Variants in CNTN4 observed in about 807,000 individuals in gnomAD.
CNTN4 encodes the protein contactin-4.
Under a neutral mutation model 122.5 loss-of-function variants are expected in CNTN4, and 77 were observed. That is an observed-to-expected ratio of 0.63 (90% CI 0.52 to 0.76). The LOEUF is 0.76. Ranked by LOEUF, CNTN4 falls within the 30% of genes least tolerant of loss-of-function variation. CNTN4 has a pLI of 0.00. For synonymous variants in CNTN4, 512 were observed against 447.0 expected, an observed-to-expected ratio of 1.15 and a Z score of -1.83; for missense variants, 1,256 against 1,259.1, an observed-to-expected ratio of 1.00 and a Z score of 0.04.
intron 12 of CNTN4, among the ~76,000 whole-genome samples, chr3:2,914,864 T>C (rs60082167): frequency 0.42 from 63,677 of 151,854 alleles, 13,662 homozygotes; most frequent in East Asian, 0.64. Flanking sequence ...AACATTGATC[T>C]AGAAATTGTC....
intron 6 of CNTN4, among the ~76,000 whole-genome samples, chr3:2,759,032 C>G (rs2090467100): frequency 3.9e-5 from 6 of 152,142 alleles, no homozygotes; most frequent in Admixed American, 2.6e-4. Context: ...TCTACTGTCT[C>G]TGTGGATTTT....
intron 2 of CNTN4, among the ~76,000 whole-genome samples, chr3:2,151,689 TG>T (rs1407504417): frequency 6.6e-6 from 1 of 152,154 alleles, no homozygotes; most frequent in African/African-American, 2.4e-5. Flanking sequence ...CATGGATTAA[TG>T]GATTAATGAC....
chr3:2,616,034 T>TA (rs1553586644), intron 4 of CNTN4, among the ~76,000 whole-genome samples: 1 of 151,706 alleles, frequency 6.6e-6, no homozygotes, highest in East Asian at 1.9e-4. Context: ...TTTTTTTTTT[T>TA]AACATTAAGT....
At chr3:2,421,973 A>T (rs2047635727) in intron 3 of CNTN4, among the ~76,000 whole-genome samples, 1 of 152,030 alleles carries the variant, frequency 6.6e-6, no homozygotes, top group Admixed American at 6.5e-5. Flanking sequence ...AAAAAAAAAA[A>T]TTAGTGTACC....
chr3:2,650,029 TATATA>T (rs1441354486), intron 4 of CNTN4, among the ~76,000 whole-genome samples: 2 of 147,518 alleles, frequency 1.4e-5, no homozygotes, highest in Non-Finnish European at 3.0e-5. Flanking sequence ...TTTATAAATA[TATATA>T]ATATAAATTC....
chr3:2,900,306 G>A (rs76142623), intron 10 of CNTN4, among the ~76,000 whole-genome samples: 1 of 152,144 alleles, frequency 6.6e-6, no homozygotes, highest in Non-Finnish European at 1.5e-5. Flanking sequence ...AAGCAATCTG[G>A]CAAATGTAGT....
chr3:3,043,518 T>C (rs1450182373), intron 22 of CNTN4, 74 bp from the exon 23 acceptor site: 5 of 1,163,138 alleles, frequency 4.3e-6, no homozygotes, highest in Non-Finnish European at 6.4e-6. Context: ...TCTCGAATTC[T>C]AGTAAGGAGA....
At chr3:2,306,019 GTTTA>G (rs1228658040) in intron 2 of CNTN4, among the ~76,000 whole-genome samples, 3 of 151,980 alleles carry the variant, frequency 2.0e-5, no homozygotes, top group African/African-American at 7.3e-5. Context: ...ACAACATTTT[GTTTA>G]TTCATTCATC....
intron 9 of CNTN4, among the ~76,000 whole-genome samples, chr3:2,886,490 G>A (rs1408628749): frequency 6.7e-6 from 1 of 149,272 alleles, no homozygotes; most frequent in Non-Finnish European, 1.5e-5. Flanking sequence ...TTTCAATGAT[G>A]ATATTGTATA....
At chr3:2,210,420 T>C (rs891863866) in intron 2 of CNTN4, among the ~76,000 whole-genome samples, 1 of 152,198 alleles carries the variant, frequency 6.6e-6, no homozygotes, top group Non-Finnish European at 1.5e-5. Context: ...CATACCATTG[T>C]CTGCCTAAAT....
intron 2 of CNTN4, among the ~76,000 whole-genome samples, chr3:2,266,940 G>T (rs758017432): frequency 6.6e-6 from 1 of 152,060 alleles, no homozygotes; most frequent in Non-Finnish European, 1.5e-5. Flanking sequence ...CTTCAAATAT[G>T]AGCAAACATT....
chr3:2,748,391 C>A (rs1252133669), intron 6 of CNTN4, among the ~76,000 whole-genome samples: 1 of 151,276 alleles, frequency 6.6e-6, no homozygotes, highest in Non-Finnish European at 1.5e-5. Flanking sequence ...ACCCTTTGTT[C>A]CATCATATCT....
At chr3:2,735,731 A>G in intron 4 of CNTN4, 1 of 329,414 alleles carries the variant, frequency 3.0e-6, no homozygotes, top group East Asian at 7.9e-5. Flanking sequence ...AGTGTTGTGT[A>G]TATTAGCAAT....
chr3:3,003,003 C>T (rs1696205042), intron 14 of CNTN4, among the ~76,000 whole-genome samples: 1 of 152,184 alleles, frequency 6.6e-6, no homozygotes, highest in Non-Finnish European at 1.5e-5. Context: ...TTGCCTCGAT[C>T]TTCATATACC....
intron 4 of CNTN4, among the ~76,000 whole-genome samples, chr3:2,706,402 T>C (rs1033880543): frequency 7.2e-5 from 11 of 152,236 alleles, no homozygotes; most frequent in African/African-American, 2.6e-4. Context: ...TTAAGGAAGG[T>C]GCTCTAAAAT....
chr3:2,213,649 C>T (rs977968331), intron 2 of CNTN4, among the ~76,000 whole-genome samples: 1 of 152,100 alleles, frequency 6.6e-6, no homozygotes, highest in African/African-American at 2.4e-5. Flanking sequence ...AAAATGCACT[C>T]CAGGCTCCCA....
intron 11 of CNTN4, among the ~76,000 whole-genome samples, chr3:2,901,236 G>A (rs915117200): frequency 3.3e-5 from 5 of 152,140 alleles, no homozygotes; most frequent in African/African-American, 4.8e-5. Flanking sequence ...GGGGTAGAGC[G>A]GAGACCCTGA....
In CNTN4 at chr3:2,773,827, C is replaced by G. The variant is rs373795261; in HGVS notation, c.358+28130C>G. Among the ~76,000 whole-genome samples the G allele has an allele frequency of 8.4e-5, 11 of 130,380 alleles. No homozygotes were observed. The East Asian group carries it at 2.6e-3, about 31-fold the overall frequency. 85.5% of individuals were successfully genotyped at this position (130,380 alleles called of 152,430 possible). A position where few individuals can be genotyped will look rare whatever the true frequency, so the allele number is the denominator to read the frequency against. Reference sequence around the variant, plus strand: ...CCAGGCTGGAGTACAGTGGCATGATCTGGCTCACTGTAAACTCCGCCTCCC... The same window carrying G: ...CCAGGCTGGAGTACAGTGGCATGATGTGGCTCACTGTAAACTCCGCCTCCC... On this transcript the variant is annotated intron_variant, in intron 6 of 24. Transcript: ENST00000418658.
chr3:2,948,891 A>T (rs924608675), intron 13 of CNTN4, among the ~76,000 whole-genome samples: 1 of 152,162 alleles, frequency 6.6e-6, no homozygotes, highest in African/African-American at 2.4e-5. Flanking sequence ...GACCATTTTT[A>T]AAAAGGTAAA....
Sources: allele counts gnomAD v4.1 joint callset (sites outside exome capture counted in the v4.1 genomes callset), GRCh38; gene constraint gnomAD v4.1.1; transcripts MANE v1.5; gene names NCBI Gene and HGNC (gene_info 2026-07-23, HGNC 2026-07-21).